CRACD: variants seen among roughly 807,000 people sequenced by gnomAD.
CRACD encodes capping protein-inhibiting regulator of actin dynamics.
In CRACD, 56 loss-of-function variants were observed where a neutral mutation model predicts 106.8. The observed-to-expected ratio is 0.52, with a 90% CI of 0.42 to 0.66. The LOEUF is 0.66. CRACD is among the 30% of genes least tolerant of loss of function. The pLI is 0.00. For missense variants in CRACD, 1,730 were observed against 1,623.2 expected, an observed-to-expected ratio of 1.07 and a Z score of -1.13; for synonymous variants, 754 against 670.8, an observed-to-expected ratio of 1.12 and a Z score of -1.92.
rs537068718 is a variant in CRACD at position 56,222,792 on chromosome 4, A to G, written c.-189+43362A>G. Among the ~76,000 whole-genome samples, 29 of 146,638 alleles carry G rather than the reference A, an allele frequency of 2.0e-4. No individual in the cohort carries two copies. The East Asian group carries it at 2.9e-3, about 15-fold the overall frequency. ...ACCCCATCTCTACTGAAAAACAAAA[A>G]CAAAAACAAAAACAAAAAAGCACCG... On this transcript the variant is annotated intron_variant, in intron 2 of 10. Coordinates refer to ENST00000682029, the MANE Select transcript of CRACD (RefSeq NM_001393381.1).
chr4:56,152,183 G>A (rs1735605054), intron 1 of CRACD, among the ~76,000 whole-genome samples: 1 of 147,306 alleles, frequency 6.8e-6, no homozygotes, highest in Non-Finnish European at 1.5e-5. Context: ...CTAATTTTTT[G>A]TATTTTTTTT....
chr4:56,191,747 T>A (rs1036563712), intron 2 of CRACD, among the ~76,000 whole-genome samples: 1 of 152,240 alleles, frequency 6.6e-6, no homozygotes, highest in Non-Finnish European at 1.5e-5. Context: ...TGTACGACGT[T>A]ATTTCTAAGA....
intron 1 of CRACD, among the ~76,000 whole-genome samples, chr4:56,108,402 T>C (rs1179606231): frequency 6.6e-6 from 1 of 152,078 alleles, no homozygotes; most frequent in Non-Finnish European, 1.5e-5. Context: ...ATTGGGAGAA[T>C]ATAAAATACA....
chr4:56,237,768 A>G (rs934997816), intron 2 of CRACD, among the ~76,000 whole-genome samples: 8 of 151,576 alleles, frequency 5.3e-5, no homozygotes, highest in Non-Finnish European at 1.2e-4. Context: ...ACACAAACAC[A>G]TACACATACA....
chr4:56,120,761 A>C (rs1486283582), intron 1 of CRACD, among the ~76,000 whole-genome samples: 4 of 152,232 alleles, frequency 2.6e-5, no homozygotes, highest in African/African-American at 9.6e-5. Context: ...TCCATGTATA[A>C]ATGATGATTC....
chr4:56,271,240 C>CA (rs2109644936), intron 2 of CRACD, among the ~76,000 whole-genome samples: 1 of 152,028 alleles, frequency 6.6e-6, no homozygotes, highest in Non-Finnish European at 1.5e-5. Context: ...CTTTCTTTTC[C>CA]AAGGAAAGAG....
At chr4:56,092,809 G>C (rs1432202130) in intron 1 of CRACD, among the ~76,000 whole-genome samples, 1 of 152,008 alleles carries the variant, frequency 6.6e-6, no homozygotes, top group Non-Finnish European at 1.5e-5. Flanking sequence ...GTCTTGTGAT[G>C]TTTCCTAGGC....
intron 5 of CRACD, among the ~76,000 whole-genome samples, chr4:56,308,432 C>G (rs897766249): frequency 1.3e-5 from 2 of 150,618 alleles, no homozygotes; most frequent in African/African-American, 4.9e-5. Flanking sequence ...AGTAGCGAGT[C>G]AGGAATTCTC....
At chr4:56,161,826 T>C (rs1333020715) in intron 1 of CRACD, among the ~76,000 whole-genome samples, 1 of 150,582 alleles carries the variant, frequency 6.6e-6, no homozygotes, top group Non-Finnish European at 1.5e-5. Flanking sequence ...TGCAGTGGCA[T>C]GATCTCGGCT....
At chr4:56,166,590 G>C (rs1339200817) in intron 1 of CRACD, among the ~76,000 whole-genome samples, 1 of 140,794 alleles carries the variant, frequency 7.1e-6, no homozygotes, top group African/African-American at 2.7e-5. Flanking sequence ...TGAGACAGGA[G>C]AATCGCTTAA....
At chr4:56,129,763 G>C (rs1462916195) in intron 1 of CRACD, among the ~76,000 whole-genome samples, 1 of 152,160 alleles carries the variant, frequency 6.6e-6, no homozygotes. Context: ...AGAGTGGGAG[G>C]CAGATACAAA....
chr4:56,189,055 C>T (rs1737236607), intron 2 of CRACD, among the ~76,000 whole-genome samples: 2 of 152,016 alleles, frequency 1.3e-5, no homozygotes, highest in South Asian at 2.1e-4. Context: ...GTGTGGCATG[C>T]ATCTGTAGTC....
chr4:56,050,214 G>A (rs1731827183), intron 1 of CRACD, among the ~76,000 whole-genome samples: 1 of 151,642 alleles, frequency 6.6e-6, no homozygotes, highest in Non-Finnish European at 1.5e-5. Flanking sequence ...CATGTGTTGT[G>A]AAATTTTAAT....
chr4:56,234,186 T>C (rs4865073), intron 2 of CRACD, among the ~76,000 whole-genome samples: 68,428 of 151,866 alleles, frequency 0.45, 15,962 homozygotes, highest in Non-Finnish European at 0.51. Context: ...AACCATCCCA[T>C]TATCCAATTT....
At chr4:56,084,323 T>TA (rs1225597930) in intron 1 of CRACD, among the ~76,000 whole-genome samples, 2 of 152,284 alleles carry the variant, frequency 1.3e-5, no homozygotes, top group Admixed American at 6.5e-5. Flanking sequence ...CTTCATTTTC[T>TA]AAAAAAATTC....
At chr4:56,100,882 A>G (rs747487369) in intron 1 of CRACD, among the ~76,000 whole-genome samples, 55 of 152,214 alleles carry the variant, frequency 3.6e-4, no homozygotes, top group Non-Finnish European at 6.9e-4. Context: ...ATGAATATCT[A>G]TATCAAGTGT....
chr4:56,325,253 T>G (rs1746362005), intron 10 of CRACD, among the ~76,000 whole-genome samples: 1 of 152,210 alleles, frequency 6.6e-6, no homozygotes, highest in Non-Finnish European at 1.5e-5. Flanking sequence ...GAAGATTGCT[T>G]GAGCCCAGGA....
chr4:56,132,922 G>A (rs1401519881), intron 1 of CRACD, among the ~76,000 whole-genome samples: 2 of 152,144 alleles, frequency 1.3e-5, no homozygotes, highest in African/African-American at 4.8e-5. Context: ...CTTAGCTATT[G>A]GAGGTAATTC....
chr4:56,214,654 T>A (rs1334712544), intron 2 of CRACD, among the ~76,000 whole-genome samples: 4 of 74,848 alleles, frequency 5.3e-5, no homozygotes, highest in Non-Finnish European at 8.4e-5. Flanking sequence ...AGCTAGACAC[T>A]CTCTCTCTCT....
Sources: gnomAD v4.1 joint callset for allele counts (sites outside exome capture counted in the v4.1 genomes callset) on GRCh38, gnomAD v4.1.1 for gene constraint, MANE v1.5 for transcripts, NCBI Gene and HGNC (gene_info 2026-07-23, HGNC 2026-07-21) for gene names.